SGCD: variants seen among roughly 807,000 people sequenced by gnomAD.
SGCD encodes the protein sarcoglycan delta, also known as delta-sarcoglycan.
A neutral mutation model predicts 36.6 loss-of-function variants in SGCD; 18 were observed. That is an observed-to-expected ratio of 0.49 (90% CI 0.34 to 0.73). The LOEUF (loss-of-function observed/expected upper bound fraction) is 0.73. SGCD is among the 30% of genes least tolerant of loss of function. The pLI, the probability that SGCD is intolerant of heterozygous loss-of-function variation, is 0.01. For missense variants in SGCD, 387 were observed against 346.7 expected, an observed-to-expected ratio of 1.12 and a Z score of -0.92; for synonymous variants, 133 against 130.6, an observed-to-expected ratio of 1.02 and a Z score of -0.12.
chr5:156,035,514 G>A (rs1759467886), intron 1 of SGCD, among the ~76,000 whole-genome samples: 1 of 152,152 alleles, frequency 6.6e-6, no homozygotes, highest in Admixed American at 6.5e-5. Context: ...GGAGGCTAAG[G>A]TGGGAGAATC....
chr5:156,504,589 A>G (rs1756615633), intron 3 of SGCD, among the ~76,000 whole-genome samples: 1 of 152,086 alleles, frequency 6.6e-6, no homozygotes, highest in Non-Finnish European at 1.5e-5. Flanking sequence ...CAATTATTGT[A>G]ACATGCAACT....
chr5:155,856,540 A>G, the SGCD span, among the ~76,000 whole-genome samples: 1 of 152,218 alleles, frequency 6.6e-6, no homozygotes, highest in South Asian at 2.1e-4. Context: ...GTTTTGAAAG[A>G]CACTGTTAAG....
intron 1 of SGCD, among the ~76,000 whole-genome samples, chr5:155,876,199 C>T (rs1400779466): frequency 2.8e-5 from 3 of 106,496 alleles, no homozygotes; most frequent in African/African-American, 1.1e-4. Context: ...TCCCTCCCCC[C>T]TCCCCCCACC....
chr5:156,017,354 A>G (rs962182525), intron 1 of SGCD, among the ~76,000 whole-genome samples: 2 of 152,068 alleles, frequency 1.3e-5, no homozygotes, highest in African/African-American at 2.4e-5. Flanking sequence ...TATGTAGGCA[A>G]ATGCATCAAT....
At chr5:156,544,274 C>T (rs1758470726) in intron 4 of SGCD, among the ~76,000 whole-genome samples, 1 of 152,182 alleles carries the variant, frequency 6.6e-6, no homozygotes, top group African/African-American at 2.4e-5. Context: ...ATGCTCAGTT[C>T]TGTGAGTAAT....
chr5:156,711,804 G>A (rs946569486), intron 7 of SGCD, among the ~76,000 whole-genome samples: 1 of 152,182 alleles, frequency 6.6e-6, no homozygotes, highest in Admixed American at 6.5e-5. Context: ...AGAACTCAGG[G>A]CAAGTCCATA....
At chr5:156,522,568 AC>A (rs1447916606) in intron 4 of SGCD, among the ~76,000 whole-genome samples, 1 of 152,030 alleles carries the variant, frequency 6.6e-6, no homozygotes, top group East Asian at 1.9e-4. Context: ...AACAACACAC[AC>A]CGGGGCCTAT....
At chr5:156,738,854 AGAAATAGCTCAGCCTC>A (rs1756514965) in intron 7 of SGCD, among the ~76,000 whole-genome samples, 2 of 152,226 alleles carry the variant, frequency 1.3e-5, no homozygotes, top group African/African-American at 4.8e-5. Flanking sequence ...TTTGAACATG[AGAAATAGCTCAGCCTC>A]AAAAAGCCTT....
chr5:156,309,910 A>G (rs973051590), intron 3 of SGCD, among the ~76,000 whole-genome samples: 4 of 151,954 alleles, frequency 2.6e-5, no homozygotes, highest in African/African-American at 9.7e-5. Context: ...AATGGGCCAC[A>G]CTTCCCTGTT....
intron 1 of SGCD, among the ~76,000 whole-genome samples, chr5:156,005,705 C>G (rs978635740): frequency 6.6e-6 from 1 of 152,196 alleles, no homozygotes; most frequent in African/African-American, 2.4e-5. Flanking sequence ...CCGCCTTGGC[C>G]TCCCAAAGTG....
the SGCD span, among the ~76,000 whole-genome samples, chr5:155,803,344 C>T: frequency 7.9e-5 from 12 of 152,142 alleles, no homozygotes; most frequent in Non-Finnish European, 1.0e-4. Flanking sequence ...AATGAGAATA[C>T]GGGCAGGGCT....
chr5:156,701,284 C>CT (rs1754520199), intron 7 of SGCD, among the ~76,000 whole-genome samples: 1 of 152,088 alleles, frequency 6.6e-6, no homozygotes, highest in South Asian at 2.1e-4. Flanking sequence ...CTCAGACATG[C>CT]ATAAATAAAT....
chr5:156,190,998 C>T (rs1227985296), intron 3 of SGCD, among the ~76,000 whole-genome samples: 1 of 152,044 alleles, frequency 6.6e-6, no homozygotes, highest in Non-Finnish European at 1.5e-5. Flanking sequence ...TATTCATAAT[C>T]TATGAATTAG....
intron 3 of SGCD, among the ~76,000 whole-genome samples, chr5:156,169,866 G>C (rs1763300748): frequency 6.6e-6 from 1 of 152,110 alleles, no homozygotes; most frequent in African/African-American, 2.4e-5. Flanking sequence ...GGTTAGTCAT[G>C]GGGGGTGGCA....
chr5:156,612,977 G>A (rs559325381), intron 6 of SGCD, among the ~76,000 whole-genome samples: 2 of 152,080 alleles, frequency 1.3e-5, no homozygotes, highest in African/African-American at 4.8e-5. Context: ...GACTACTGGG[G>A]GTATCCAGCT....
intron 3 of SGCD, among the ~76,000 whole-genome samples, chr5:156,216,743 A>G (rs1764584375): frequency 6.6e-6 from 1 of 152,230 alleles, no homozygotes; most frequent in Non-Finnish European, 1.5e-5. Flanking sequence ...GGAAGAAAAT[A>G]CCTAAATAAT....
intron 3 of SGCD, among the ~76,000 whole-genome samples, chr5:156,235,922 T>C (rs1219204364): frequency 6.6e-6 from 1 of 152,206 alleles, no homozygotes; most frequent in Non-Finnish European, 1.5e-5. Context: ...CTATTCTACT[T>C]TACCTTCTCG....
At chr5:155,860,044 A>C in the SGCD span, among the ~76,000 whole-genome samples, 74 of 152,210 alleles carry the variant, frequency 4.9e-4, no homozygotes, top group Non-Finnish European at 9.8e-4. Flanking sequence ...TGCTGTAAAT[A>C]CAGTGCTCTT....
At chr5:156,614,769 C>G (rs1387558831) in intron 6 of SGCD, among the ~76,000 whole-genome samples, 1 of 152,204 alleles carries the variant, frequency 6.6e-6, no homozygotes, top group African/African-American at 2.4e-5. Flanking sequence ...GCAGCCTGTA[C>G]TTTTCCTCAT....
Sources: allele counts gnomAD v4.1 joint callset (sites outside exome capture counted in the v4.1 genomes callset), GRCh38; gene constraint gnomAD v4.1.1; transcripts MANE v1.5; gene names NCBI Gene and HGNC (gene_info 2026-07-23, HGNC 2026-07-21).